PHACTR2: variants seen among roughly 807,000 people sequenced by gnomAD.
PHACTR2 encodes the protein chromosome 6 open reading frame 56.
Under a neutral mutation model 76.0 loss-of-function variants are expected in PHACTR2, and 30 were observed. The observed-to-expected ratio is 0.39, with a 90% confidence interval of 0.30 to 0.54. PHACTR2 has a LOEUF of 0.54. PHACTR2 is among the 20% of genes least tolerant of loss of function. The pLI, the probability that PHACTR2 is intolerant of heterozygous loss-of-function variation, is 0.61. For missense variants in PHACTR2, 696 were observed against 781.1 expected, an observed-to-expected ratio of 0.89 and a Z score of 1.30; for synonymous variants, 292 against 292.5, an observed-to-expected ratio of 1.00 and a Z score of 0.02.
chr6:143,806,122 AT>A lies in PHACTR2; in HGVS notation c.1846-934del, dbSNP rs1446764129. Reference sequence around the variant, plus strand: ...TTTATAGAGAAGTTAGGAAATAAAAATAAGCAAAAATTTGAAACCACGAACC... The same window carrying A: ...TTTATAGAGAAGTTAGGAAATAAAAAAAGCAAAAATTTGAAACCACGAACC... On this transcript the variant is annotated intron_variant, in intron 11 of 12. Transcript: ENST00000440869. The surrounding 1 kb of genome is among the most constrained non-coding windows in gnomAD (Gnocchi z 5.8). 6.6e-6 allele frequency among the ~76,000 whole-genome samples: 1 copy of A among 152,242 alleles called. No individual in the cohort carries two copies. The highest frequency in any genetic ancestry group is 6.5e-5 in the Admixed American group (1 of 15,288).
Position 143,822,480 on chromosome 6 carries a change from C to A in PHACTR2, c.1923-1194C>A, listed in dbSNP as rs558044604. On this transcript the variant is annotated intron_variant, in intron 12 of 12. Transcript: ENST00000440869. The surrounding 1 kb of genome is among the most constrained non-coding windows in gnomAD (Gnocchi z 5.5). ...AGGAGTTCAAGACCAGCCTAGGTAA[C>A]ATAGCGAGACCCCCATATCTAATTA... Among the ~76,000 whole-genome samples the A allele has an allele frequency of 6.6e-6, 1 of 152,230 alleles. No homozygotes were observed. Among genetic ancestry groups the A allele is most frequent in the Non-Finnish European group, 1.5e-5 (1 of 68,016 alleles).
intron 1 of PHACTR2, among the ~76,000 whole-genome samples, chr6:143,704,111 G>C (rs12530194): frequency 2.2e-4 from 8 of 36,186 alleles, no homozygotes; most frequent in African/African-American, 3.5e-4. Flanking sequence ...GTGTGTGTGT[G>C]TGTGTGTGTG....
chr6:143,801,217 G>A lies in PHACTR2; in HGVS notation c.1846-5840G>A, dbSNP rs76132947. ...GCAATCTCTTTGTGGTGTATTCTCT[G>A]TATTTCCTGAATTTGAATGTTGGCC... On this transcript the variant is annotated intron_variant, in intron 11 of 12. Transcript: ENST00000440869. The surrounding 1 kb of genome is among the most constrained non-coding windows in gnomAD (Gnocchi z 4.6). Among the ~76,000 whole-genome samples, 1,509 of 152,240 alleles carry A rather than the reference G, an allele frequency of 9.9e-3. 23 individuals are homozygous for A. The highest frequency in any genetic ancestry group is 0.034 in the African/African-American group (1,422 of 41,546).
At chr6:143,575,518 C>A (rs919427793) in intron 1 of PHACTR2, among the ~76,000 whole-genome samples, 1 of 152,140 alleles carries the variant, frequency 6.6e-6, no homozygotes, top group Admixed American at 6.5e-5. Context: ...TCCCTAGCTG[C>A]TGTTTTACCG....
Position 143,611,420 on chromosome 6 carries a change from T to C in PHACTR2, c.13+3098T>C, listed in dbSNP as rs1775973261. Among the ~76,000 whole-genome samples, 1 of 152,160 alleles carries C rather than the reference T, an allele frequency of 6.6e-6. No homozygotes were observed. The highest frequency in any genetic ancestry group is 1.5e-5 in the Non-Finnish European group (1 of 68,022). On this transcript the variant is annotated intron_variant, in intron 1 of 11. Coordinates refer to the PHACTR2 transcript ENST00000305766. The surrounding 1 kb of genome is among the most constrained non-coding windows in gnomAD (Gnocchi z 4.4). ...ACTCGAGAGTTATTTGGAGCCAGAC[T>C]GAGGAAGGGTTTGGAGTGGAGTAGT...
At chr6:143,673,999 C>A (rs183580821), upstream of PHACTR2, among the ~76,000 whole-genome samples, 110 of 152,270 alleles carry the variant, frequency 7.2e-4, no homozygotes, top group Non-Finnish European at 1.2e-3. Context: ...TCTACTGATG[C>A]TTAATATAAC....
intron 12 of PHACTR2, among the ~76,000 whole-genome samples, chr6:143,810,351 A>G (rs1364052362): frequency 6.6e-6 from 1 of 152,170 alleles, no homozygotes; most frequent in Non-Finnish European, 1.5e-5. Context: ...TTCTGGGCAT[A>G]TACATTTTGC....
At chr6:143,792,751 C>A (rs1389829517) in intron 11 of PHACTR2, among the ~76,000 whole-genome samples, 2 of 152,180 alleles carry the variant, frequency 1.3e-5, no homozygotes, top group African/African-American at 4.8e-5. Context: ...GTCCGCCAAA[C>A]TACCTATACA....
At chr6:143,573,473 A>G (rs1191695866) in intron 1 of PHACTR2, among the ~76,000 whole-genome samples, 3 of 152,228 alleles carry the variant, frequency 2.0e-5, no homozygotes, top group Non-Finnish European at 4.4e-5. Flanking sequence ...GTTAAGAGAG[A>G]AGAGCCTAGA....
In PHACTR2 at chr6:143,722,237, G is replaced by T. The variant is rs1778458624; in HGVS notation, c.214+10054G>T. 6.6e-6 allele frequency among the ~76,000 whole-genome samples: 1 copy of T among 151,838 alleles called. No homozygotes were observed. Reference sequence around the variant, plus strand: ...ACAATATATTTTCTGTTCTTTCTCTGTACCCTCATGTGGATATATGTACAT... The same window carrying T: ...ACAATATATTTTCTGTTCTTTCTCTTTACCCTCATGTGGATATATGTACAT... On this transcript the variant is annotated intron_variant, in intron 2 of 12. Coordinates refer to ENST00000440869, the MANE Select transcript of PHACTR2 (RefSeq NM_001100164.2). The surrounding 1 kb of genome is among the most constrained non-coding windows in gnomAD (Gnocchi z 4.1).
rs948878977 is a variant in PHACTR2, at chr6:143,767,389, T to C, written c.1232+1591T>C. Among the ~76,000 whole-genome samples the C allele has an allele frequency of 6.6e-6, 1 of 152,260 alleles. No homozygotes were observed. Among genetic ancestry groups the C allele is most frequent in the African/African-American group, 2.4e-5 (1 of 41,472 alleles). On this transcript the variant is annotated intron_variant, in intron 6 of 12. Coordinates refer to ENST00000440869, the MANE Select transcript of PHACTR2 (RefSeq NM_001100164.2). The surrounding 1 kb of genome is among the most constrained non-coding windows in gnomAD (Gnocchi z 4.4). ...TTTCTTTGGGTTTTTTTAAGTCATTTTGAGCACCAATATTTGAAGGACAGC... is the reference window on the plus strand; with the variant it reads ...TTTCTTTGGGTTTTTTTAAGTCATTCTGAGCACCAATATTTGAAGGACAGC...
In PHACTR2 at chr6:143,783,332, A is replaced by T. The variant is rs1012753; in HGVS notation, c.1707+52A>T. On this transcript the variant is annotated intron_variant, in intron 10 of 12. Coordinates refer to ENST00000440869, the MANE Select transcript of PHACTR2 (RefSeq NM_001100164.2). This position sits in a 1 kb window ranked among gnomAD's most constrained non-coding sequence, Gnocchi z 5.2. ...CATATGTGTTTTGAGATATACTTTT[A>T]AAAAAAAATACTAATCCTCTCTGTA... is the stretch of plus-strand genomic sequence containing the variant. The T allele has an allele frequency of 0.62, 558,109 of 894,458 alleles. 175,268 individuals are homozygous for T. Among genetic ancestry groups the T allele is most frequent in the South Asian group, 0.67 (45,134 of 67,586 alleles). The allele number at this position is 894,458 out of a possible 1,614,324, so 55.4% of individuals were successfully genotyped here. A position where few individuals can be genotyped will look rare whatever the true frequency, so the allele number is the denominator to read the frequency against.
rs1337553326 is a variant in PHACTR2 at position 143,696,365 on chromosome 6, A to G, written c.47-15651A>G. ...CCTGGAGACCTCTAGAAGACCAGGAAAATATTTTTCCAAGAAATTTTGCTG... is the reference window on the plus strand; with the variant it reads ...CCTGGAGACCTCTAGAAGACCAGGAGAATATTTTTCCAAGAAATTTTGCTG... On this transcript the variant is annotated intron_variant, in intron 1 of 12. Transcript: ENST00000440869. The surrounding 1 kb of genome is among the most constrained non-coding windows in gnomAD (Gnocchi z 4.1). 6.6e-6 allele frequency among the ~76,000 whole-genome samples: 1 copy of G among 152,178 alleles called. No individual in the cohort carries two copies. Among genetic ancestry groups the G allele is most frequent in the Non-Finnish European group, 1.5e-5 (1 of 68,030 alleles).
At position 143,830,931 on chromosome 6, in the gene PHACTR2, T is replaced by A. The variant is rs1450902087; in HGVS notation, c.*7242T>A. 1 of 152,234 alleles carries A rather than the reference T, an allele frequency of 6.6e-6. No homozygotes were observed. The highest frequency in any genetic ancestry group is 2.4e-5 in the African/African-American group (1 of 41,470). 9.4% of individuals were successfully genotyped at this position (152,234 alleles called of 1,614,324 possible). On this transcript the variant is annotated 3_prime_UTR_variant, in exon 13 of 13. Coordinates refer to ENST00000440869, the MANE Select transcript of PHACTR2 (RefSeq NM_001100164.2). ...ACAACTTCCCTAATTGCCTGTTATT[T>A]CAGCTTCACCTAAGTTTTTAACACC...
At position 143,722,770 on chromosome 6, in the gene PHACTR2, C is replaced by A. The variant is rs1778473372; in HGVS notation, c.214+10587C>A. Among the ~76,000 whole-genome samples the A allele has an allele frequency of 6.6e-6, 1 of 152,160 alleles. No homozygotes were observed. Among genetic ancestry groups the A allele is most frequent in the Admixed American group, 6.5e-5 (1 of 15,272 alleles). On this transcript the variant is annotated intron_variant, in intron 2 of 12. Transcript: ENST00000440869. The surrounding 1 kb of genome is among the most constrained non-coding windows in gnomAD (Gnocchi z 4.1). The stretch of plus-strand genomic sequence containing the variant: ...CATCCCTCCTCCCCACTACCCTTCC[C>A]AGCTTCTGGTAACTGTCGTTCTACT...
At position 143,583,328 on chromosome 6, in the gene PHACTR2, G is replaced by A. The variant is rs1250947836; in HGVS notation, c.217+46121G>A. Among the ~76,000 whole-genome samples the A allele has an allele frequency of 6.6e-6, 1 of 152,228 alleles. No homozygotes were observed. The highest frequency in any genetic ancestry group is 6.5e-5 in the Admixed American group (1 of 15,286). Reference sequence around the variant, plus strand: ...TGGGTTACAGAAACACATGCTAGCAGCAGTCCTCAGATTGTTGCCCAGAAC... The same window carrying A: ...TGGGTTACAGAAACACATGCTAGCAACAGTCCTCAGATTGTTGCCCAGAAC... On this transcript the variant is annotated intron_variant, in intron 1 of 11. Coordinates refer to the PHACTR2 transcript ENST00000367584. The surrounding 1 kb of genome is among the most constrained non-coding windows in gnomAD (Gnocchi z 4.0).
intron 1 of PHACTR2, among the ~76,000 whole-genome samples, chr6:143,661,745 AG>A (rs1188051969): frequency 1.3e-5 from 2 of 151,834 alleles, no homozygotes; most frequent in African/African-American, 4.8e-5. Flanking sequence ...TTGGTAGAGA[AG>A]GGGTTTCACC....
chr6:143,567,593 T>C (rs933589765), intron 1 of PHACTR2, among the ~76,000 whole-genome samples: 2 of 152,204 alleles, frequency 1.3e-5, no homozygotes, highest in Non-Finnish European at 2.9e-5. Flanking sequence ...GAGACAGGGT[T>C]TCACCATATT....
In PHACTR2 at chr6:143,617,023, C is replaced by T. The variant is rs1776069134; in HGVS notation, c.13+8701C>T. ...GCCTTGAGGCTTGGCCTCTGTCCTA[C>T]CAGCTTTCAGGAGCCTTTGAAGGGT... On this transcript the variant is annotated intron_variant, in intron 1 of 11. Coordinates refer to the PHACTR2 transcript ENST00000305766. The surrounding 1 kb of genome is among the most constrained non-coding windows in gnomAD (Gnocchi z 4.8). Among the ~76,000 whole-genome samples the T allele has an allele frequency of 6.6e-6, 1 of 152,132 alleles. No individual in the cohort carries two copies. The highest frequency in any genetic ancestry group is 6.5e-5 in the Admixed American group (1 of 15,276).
Sources: gnomAD v4.1 joint callset for allele counts (sites outside exome capture counted in the v4.1 genomes callset) on GRCh38, gnomAD v4.1.1 for gene constraint, Gnocchi (gnomAD v3.1) non-coding constraint, MANE v1.5 for transcripts, NCBI Gene and HGNC (gene_info 2026-07-23, HGNC 2026-07-21) for gene names.